Variants in C1orf87 observed in about 807,000 individuals in gnomAD.
C1orf87 encodes uncharacterized protein C1orf87.
In C1orf87, 58 loss-of-function variants were observed where a neutral mutation model predicts 60.5. The observed-to-expected ratio is 0.96, with a 90% CI of 0.78 to 1.19. The LOEUF (loss-of-function observed/expected upper bound fraction) is 1.19. Among genes scored for constraint, C1orf87 ranks in the 50% most tolerant of loss-of-function variants. C1orf87 has a pLI of 0.00. For synonymous variants in C1orf87, 236 were observed against 227.4 expected, an observed-to-expected ratio of 1.04 and a Z score of -0.34; for missense variants, 673 against 638.6, an observed-to-expected ratio of 1.05 and a Z score of -0.58.
At chr1:60,007,228 A>C (rs1262336697) in intron 9 of C1orf87, among the ~76,000 whole-genome samples, 1 of 152,070 alleles carries the variant, frequency 6.6e-6, no homozygotes, top group Non-Finnish European at 1.5e-5. Context: ...ATACTTTTAA[A>C]TGTGTTACAT....
At position 60,040,222 on chromosome 1, in the gene C1orf87, AG is replaced by A. The variant is rs200312590; in HGVS notation, c.484-43del. On this transcript the variant is annotated intron_variant, in intron 4 of 11. Coordinates refer to ENST00000371201, the MANE Select transcript of C1orf87 (RefSeq NM_152377.3). ...AAACAAAGAGCAAGACTCTTCAATC[AG>A]CCGGCTAAAGACCAAAGCAAGGAAG... 203 of 1,573,772 alleles carry A rather than the reference AG, an allele frequency of 1.3e-4. No individual in the cohort carries two copies. In the East Asian group the frequency reaches 3.4e-3, roughly 26 times the overall value.
intron 3 of C1orf87, among the ~76,000 whole-genome samples, chr1:60,048,253 A>T (rs1046016999): frequency 6.6e-6 from 1 of 152,186 alleles, no homozygotes; most frequent in African/African-American, 2.4e-5. Flanking sequence ...CAAATGAGGA[A>T]AACTGAGACC....
chr1:60,034,037 G>T (rs1216302418), intron 6 of C1orf87, among the ~76,000 whole-genome samples: 1 of 151,946 alleles, frequency 6.6e-6, no homozygotes, highest in African/African-American at 2.4e-5. Context: ...ATGACATTTC[G>T]AAACTGCTCA....
At chr1:60,023,616 A>G (rs1645178703) in intron 8 of C1orf87, among the ~76,000 whole-genome samples, 1 of 152,068 alleles carries the variant, frequency 6.6e-6, no homozygotes, top group African/African-American at 2.4e-5. Flanking sequence ...CTTTTTGTCA[A>G]TACCTTACAA....
intron 5 of C1orf87, among the ~76,000 whole-genome samples, 192 bp downstream of exon 5, chr1:60,039,725 C>A (rs1008508897): frequency 2.0e-5 from 3 of 152,086 alleles, no homozygotes; most frequent in East Asian, 3.9e-4. Flanking sequence ...TGAAACAGAG[C>A]GAAGAGACCT....
chr1:60,023,644 T>C (rs1645178855), intron 8 of C1orf87, among the ~76,000 whole-genome samples: 1 of 148,324 alleles, frequency 6.7e-6, no homozygotes, highest in Non-Finnish European at 1.5e-5. Flanking sequence ...ATACTGTTGC[T>C]ATGATTAATG....
At chr1:60,042,853 A>C (rs1574317528) in intron 3 of C1orf87, among the ~76,000 whole-genome samples, 1 of 152,330 alleles carries the variant, frequency 6.6e-6, no homozygotes, top group East Asian at 1.9e-4. Flanking sequence ...TGATGGTGGG[A>C]GGCATAGCAA....
At chr1:60,051,692 G>C (rs1282743163) in intron 3 of C1orf87, among the ~76,000 whole-genome samples, 1 of 152,180 alleles carries the variant, frequency 6.6e-6, no homozygotes, top group East Asian at 1.9e-4. Context: ...TACAGAGAGA[G>C]AGCTTTAAAG....
intron 8 of C1orf87, among the ~76,000 whole-genome samples, chr1:60,018,815 G>A (rs931620281): frequency 6.6e-6 from 1 of 152,108 alleles, no homozygotes; most frequent in Non-Finnish European, 1.5e-5. Context: ...TATGTTCATC[G>A]ATTGATGTGG....
intron 7 of C1orf87, among the ~76,000 whole-genome samples, chr1:60,031,933 T>A (rs1450671441): frequency 6.6e-6 from 1 of 152,048 alleles, no homozygotes; most frequent in Non-Finnish European, 1.5e-5. Flanking sequence ...TTTCCTGCAA[T>A]GCTCTATTTC....
At chr1:60,046,065 ATTCCTTCC>A (rs535941333) in intron 3 of C1orf87, among the ~76,000 whole-genome samples, 4 of 151,696 alleles carry the variant, frequency 2.6e-5, no homozygotes, top group Non-Finnish European at 4.4e-5. Context: ...ACCTTTTAAA[ATTCCTTCC>A]TTCCTTCCTT....
intron 2 of C1orf87, among the ~76,000 whole-genome samples, chr1:60,063,350 G>A (rs1645509829): frequency 6.6e-6 from 1 of 151,986 alleles, no homozygotes; most frequent in Admixed American, 6.6e-5. Flanking sequence ...TCTCCTGCCT[G>A]GATTATCATA....
chr1:60,009,485 T>C (rs368965619), intron 9 of C1orf87, among the ~76,000 whole-genome samples: 1 of 152,082 alleles, frequency 6.6e-6, no homozygotes, highest in Non-Finnish European at 1.5e-5. Flanking sequence ...GAAATGAATA[T>C]ACTCACCATA....
chr1:60,017,187 A>T (rs1645129631), intron 8 of C1orf87, among the ~76,000 whole-genome samples: 1 of 152,210 alleles, frequency 6.6e-6, no homozygotes, highest in East Asian at 1.9e-4. Context: ...AGCACTTATT[A>T]TTATTTTCTG....
chr1:60,046,376 T>C (rs1444290127), intron 3 of C1orf87, among the ~76,000 whole-genome samples: 1 of 141,088 alleles, frequency 7.1e-6, no homozygotes, highest in South Asian at 2.5e-4. Context: ...CTTTCTCTTT[T>C]TCTTTCTTTC....
At chr1:59,994,745 A>C (rs1174641238) in intron 11 of C1orf87, among the ~76,000 whole-genome samples, 1 of 152,180 alleles carries the variant, frequency 6.6e-6, no homozygotes, top group African/African-American at 2.4e-5. Context: ...TCCCAGAAGC[A>C]CTGATGTGAT....
At chr1:60,039,073 G>A (rs201597564) in intron 5 of C1orf87, among the ~76,000 whole-genome samples, 1 of 152,248 alleles carries the variant, frequency 6.6e-6, no homozygotes, top group African/African-American at 2.4e-5. Context: ...ACTAAATCCT[G>A]AGACTAAACT....
Position 60,072,545 on chromosome 1 carries a change from C to T in C1orf87, c.99G>A (p.Lys33=). ...TTCAAATATGGACTTACATCTTTGG[C>T]TTCTCCACGAGGTATTGAAAGTGTT... ...GSKHFQYLVE[K]PKIKENDSLK... The change falls in exon 2 of 12, where the codon AAG becomes AAA. Residue 33 remains lysine (K), a synonymous_variant. Coordinates refer to ENST00000371201, the MANE Select transcript of C1orf87 (RefSeq NM_152377.3). The T allele has an allele frequency of 6.2e-7, 1 of 1,606,592 alleles. No homozygotes were observed. Among genetic ancestry groups the T allele is most frequent in the Non-Finnish European group, 8.5e-7 (1 of 1,177,198 alleles).
chr1:60,052,123 A>G (rs980837452), intron 3 of C1orf87, among the ~76,000 whole-genome samples: 1 of 152,232 alleles, frequency 6.6e-6, no homozygotes, highest in African/African-American at 2.4e-5. Flanking sequence ...AAAACACACA[A>G]AAGGGCTTTG....
Sources: gnomAD v4.1 joint callset for allele counts (sites outside exome capture counted in the v4.1 genomes callset) on GRCh38, gnomAD v4.1.1 for gene constraint, MANE v1.5 for transcripts, NCBI Gene and HGNC (gene_info 2026-07-23, HGNC 2026-07-21) for gene names.